KIAA1217: variants seen among roughly 807,000 people sequenced by gnomAD.
The protein encoded by KIAA1217 is KIAA1217.
A neutral mutation model predicts 163.9 loss-of-function variants in KIAA1217; 88 were observed. The ratio of observed to expected loss-of-function variants is 0.54; its 90% CI spans 0.45 to 0.64. The LOEUF (loss-of-function observed/expected upper bound fraction) is 0.64. Ranked by LOEUF, KIAA1217 falls within the 30% of genes least tolerant of loss-of-function variation. The pLI is 0.00. For synonymous variants in KIAA1217, 903 were observed against 923.1 expected (o/e 0.98, Z 0.39); for missense variants, 2,372 against 2,475.0 (o/e 0.96, Z 0.88).
At chr10:23,697,853 G>A (rs1056989107) in intron 1 of KIAA1217, among the ~76,000 whole-genome samples, 1 of 151,326 alleles carries the variant, frequency 6.6e-6, no homozygotes, top group Non-Finnish European at 1.5e-5. Flanking sequence ...CTCCAGCCTG[G>A]TTGACAAAGT....
intron 2 of KIAA1217, among the ~76,000 whole-genome samples, chr10:24,112,615 C>T (rs898471056): frequency 6.6e-6 from 1 of 151,746 alleles, no homozygotes; most frequent in Non-Finnish European, 1.5e-5. Flanking sequence ...GACAGAGTCT[C>T]GCTCTGTCGC....
At chr10:23,718,207 T>C (rs1564363063) in intron 1 of KIAA1217, among the ~76,000 whole-genome samples, 1 of 152,180 alleles carries the variant, frequency 6.6e-6, no homozygotes, top group Non-Finnish European at 1.5e-5. Context: ...CTTTTTACCT[T>C]GCATGTCATC....
chr10:24,238,652 T>C (rs1005551281), intron 2 of KIAA1217, among the ~76,000 whole-genome samples: 1 of 152,162 alleles, frequency 6.6e-6, no homozygotes, highest in African/African-American at 2.4e-5. Flanking sequence ...GAACCTGTTT[T>C]GCAAGTTTTG....
At chr10:23,859,607 T>C (rs1011924316) in intron 1 of KIAA1217, among the ~76,000 whole-genome samples, 1 of 152,236 alleles carries the variant, frequency 6.6e-6, no homozygotes, top group African/African-American at 2.4e-5. Flanking sequence ...TTCATCCACA[T>C]GTAAACAGTT....
rs751473426 is a variant in KIAA1217 at position 24,166,581 on chromosome 10, TACA to T, written c.-170-53040_-170-53038del. ...AGTGAAACCCCATCTCTACTAAAAA[TACA>T]ACAATTAACTAGGCGTAATGGGGCA... On this transcript the variant is annotated intron_variant, in intron 2 of 18. Coordinates refer to the KIAA1217 transcript ENST00000376462. Among the ~76,000 whole-genome samples the T allele has an allele frequency of 5.3e-5, 8 of 152,126 alleles. No homozygotes were observed. The South Asian group carries it at 8.3e-4, about 16-fold the overall frequency.
chr10:24,381,662 G>C (rs2053320138), intron 3 of KIAA1217, among the ~76,000 whole-genome samples: 1 of 152,122 alleles, frequency 6.6e-6, no homozygotes, highest in Non-Finnish European at 1.5e-5. Context: ...ACCAGTCCCT[G>C]GTGCCAAAAA....
At position 23,725,810 on chromosome 10, in the gene KIAA1217, A is replaced by G. The variant is rs377374224; in HGVS notation, c.-321+30576A>G. On this transcript the variant is annotated intron_variant, in intron 1 of 18. Coordinates refer to the KIAA1217 transcript ENST00000376462. ...TTACATCTGTTATAAATTGAGCACA[A>G]TTGGTTTTTCCAAGAATAGTAGCGT... Among the ~76,000 whole-genome samples, 96 of 152,314 alleles carry G rather than the reference A, an allele frequency of 6.3e-4. 1 individual carries two copies. The highest frequency in any genetic ancestry group is 1.8e-3 in the African/African-American group (74 of 41,576).
At chr10:24,239,739 C>T (rs895348321) in intron 2 of KIAA1217, among the ~76,000 whole-genome samples, 1 of 150,698 alleles carries the variant, frequency 6.6e-6, no homozygotes, top group Non-Finnish European at 1.5e-5. Flanking sequence ...TTACGACAAA[C>T]CTGAAATTGA....
chr10:24,282,641 CT>C (rs1834575512), intron 2 of KIAA1217, among the ~76,000 whole-genome samples: 1 of 152,030 alleles, frequency 6.6e-6, no homozygotes, highest in African/African-American at 2.4e-5. Flanking sequence ...GATATACCCT[CT>C]TCCCCTCTTC....
At chr10:23,938,357 T>C (rs1215810351) in intron 1 of KIAA1217, among the ~76,000 whole-genome samples, 1 of 152,128 alleles carries the variant, frequency 6.6e-6, no homozygotes, top group East Asian at 1.9e-4. Flanking sequence ...AAGCCTTGAT[T>C]GAATCAAAAT....
chr10:24,390,083 T>A (rs2054640271), intron 3 of KIAA1217, among the ~76,000 whole-genome samples: 1 of 152,194 alleles, frequency 6.6e-6, no homozygotes, highest in Admixed American at 6.5e-5. Context: ...GCCCAGTGAT[T>A]CTGCAAGCCA....
intron 5 of KIAA1217, among the ~76,000 whole-genome samples, chr10:24,456,609 C>G (rs1012662945): frequency 1.1e-4 from 16 of 152,078 alleles, no homozygotes; most frequent in African/African-American, 3.4e-4. Context: ...AAAACCAAGC[C>G]CTTTGAGTCA....
intron 2 of KIAA1217, among the ~76,000 whole-genome samples, chr10:24,086,327 C>T (rs2061697125): frequency 6.6e-6 from 1 of 152,152 alleles, no homozygotes; most frequent in Admixed American, 6.5e-5. Context: ...GAGTAGCCAC[C>T]CTCATGTTTT....
At chr10:23,952,886 C>T (rs1048736379) in intron 1 of KIAA1217, among the ~76,000 whole-genome samples, 1 of 152,190 alleles carries the variant, frequency 6.6e-6, no homozygotes, top group African/African-American at 2.4e-5. Context: ...GAGGACTTGG[C>T]TCAGATGGTG....
intron 2 of KIAA1217, among the ~76,000 whole-genome samples, chr10:24,154,158 C>T (rs1040911765): frequency 2.0e-5 from 3 of 151,846 alleles, no homozygotes; most frequent in East Asian, 2.0e-4. Flanking sequence ...GGGGTTTCAC[C>T]GTTTTAGCCG....
At chr10:23,907,292 T>TTGTGTGTGTG (rs146002283) in intron 1 of KIAA1217, among the ~76,000 whole-genome samples, 20 of 145,860 alleles carry the variant, frequency 1.4e-4, no homozygotes, top group Admixed American at 3.4e-4. Context: ...CCAATATGAT[T>TTGTGTGTGTG]TGTGTGTGTG....
intron 1 of KIAA1217, among the ~76,000 whole-genome samples, chr10:23,766,185 A>G (rs1474192304): frequency 1.3e-5 from 2 of 152,172 alleles, no homozygotes; most frequent in African/African-American, 4.8e-5. Flanking sequence ...CCCCCAGGAG[A>G]TTTTTATGGC....
intron 2 of KIAA1217, among the ~76,000 whole-genome samples, chr10:24,083,182 G>A (rs1403449985): frequency 3.9e-5 from 6 of 152,182 alleles, no homozygotes; most frequent in Non-Finnish European, 7.3e-5. Context: ...TCAACCTTTT[G>A]TAGAGGAGCA....
intron 1 of KIAA1217, among the ~76,000 whole-genome samples, chr10:23,711,106 TC>T (rs1252898562): frequency 6.6e-6 from 1 of 152,150 alleles, no homozygotes; most frequent in Non-Finnish European, 1.5e-5. Flanking sequence ...CACCAGATCT[TC>T]TGGGCCATCC....
Sources: allele counts gnomAD v4.1 joint callset (sites outside exome capture counted in the v4.1 genomes callset), GRCh38; gene constraint gnomAD v4.1.1; transcripts MANE v1.5; gene names NCBI Gene and HGNC (gene_info 2026-07-23, HGNC 2026-07-21).